Variants in ANK2 observed in about 807,000 individuals in gnomAD.
The protein encoded by ANK2 is ankyrin-2.
ANK2 carries 83 observed loss-of-function variants against 360.5 expected under a neutral mutation model. That is an observed-to-expected ratio of 0.23 (90% CI 0.19 to 0.28). The LOEUF (loss-of-function observed/expected upper bound fraction) is 0.28, where lower values mean the gene tolerates loss of function less well. Ranked by LOEUF, ANK2 falls within the 10% of genes least tolerant of loss-of-function variation. The pLI is 1.00. For synonymous variants in ANK2, 1,740 were observed against 1,759.5 expected (o/e 0.99, Z 0.28); for missense variants, 4,201 against 4,795.7 (o/e 0.88, Z 3.66).
chr4:113,342,466 C>G (rs28621036), intron 33 of ANK2, among the ~76,000 whole-genome samples: 2 of 151,882 alleles, frequency 1.3e-5, no homozygotes, highest in Non-Finnish European at 2.9e-5. Context: ...TTTGGGAGGC[C>G]GAGGTGGGTG....
chr4:112,718,918 T>C, the ANK2 span, among the ~76,000 whole-genome samples: 2 of 69,036 alleles, frequency 2.9e-5, no homozygotes, highest in Non-Finnish European at 6.5e-5. Context: ...ATTACAGGCA[T>C]GAGCCACCGC....
intron 1 of ANK2, among the ~76,000 whole-genome samples, chr4:113,160,962 A>G (rs2097514608): frequency 1.3e-5 from 2 of 152,212 alleles, no homozygotes; most frequent in Admixed American, 6.5e-5. Context: ...CCCACTTAAT[A>G]CAAATTCCTG....
chr4:113,009,597 C>T (rs1329095262), intron 2 of ANK2, among the ~76,000 whole-genome samples: 2 of 152,032 alleles, frequency 1.3e-5, no homozygotes, highest in South Asian at 2.1e-4. Flanking sequence ...CTTTATTTCC[C>T]GATCATGAGC....
chr4:113,314,984 C>T (rs2082004082), intron 24 of ANK2, among the ~76,000 whole-genome samples: 1 of 152,042 alleles, frequency 6.6e-6, no homozygotes, highest in Admixed American at 6.5e-5. Flanking sequence ...CAACTTTTCT[C>T]ACTCTCTGTG....
intron 1 of ANK2, among the ~76,000 whole-genome samples, chr4:112,889,780 T>C (rs914399467): frequency 1.3e-5 from 2 of 152,154 alleles, no homozygotes; most frequent in Admixed American, 1.3e-4. Flanking sequence ...GCTAAATCCA[T>C]AGGGAGTTGC....
At chr4:112,981,414 T>G (rs957135332) in intron 2 of ANK2, among the ~76,000 whole-genome samples, 1 of 152,004 alleles carries the variant, frequency 6.6e-6, no homozygotes, top group African/African-American at 2.4e-5. Flanking sequence ...TTGAGAACAG[T>G]TAGGAGGCTG....
chr4:113,148,832 A>G (rs564494776), intron 1 of ANK2, among the ~76,000 whole-genome samples: 38 of 152,354 alleles, frequency 2.5e-4, no homozygotes, highest in African/African-American at 8.4e-4. Flanking sequence ...ACTGAAATGT[A>G]GTGATCAAAG....
chr4:112,903,175 G>A lies in ANK2; in HGVS notation c.-39-1280G>A, dbSNP rs1176460376. The stretch of plus-strand genomic sequence containing the variant: ...GGGCCCCACTTCCAGTTTCTCATTG[G>A]AAGGTGGAGGGGAGCCCAATAATTT... On this transcript the variant is annotated intron_variant, in intron 1 of 30. Transcript: ENST00000503271. Among the ~76,000 whole-genome samples, 4 of 152,300 alleles carry A rather than the reference G, an allele frequency of 2.6e-5. No homozygotes were observed. The East Asian group carries it at 7.7e-4, about 29-fold the overall frequency.
At chr4:112,985,520 T>C (rs1416434479) in intron 2 of ANK2, among the ~76,000 whole-genome samples, 1 of 152,198 alleles carries the variant, frequency 6.6e-6, no homozygotes, top group Non-Finnish European at 1.5e-5. Context: ...AAGTTTGTAT[T>C]GAGCACAATC....
intron 1 of ANK2, among the ~76,000 whole-genome samples, chr4:112,880,131 A>G (rs970994706): frequency 2.0e-5 from 3 of 152,180 alleles, no homozygotes; most frequent in Non-Finnish European, 2.9e-5. Flanking sequence ...AAAAGTAAAC[A>G]GTATATATTT....
intron 2 of ANK2, among the ~76,000 whole-genome samples, chr4:113,029,668 G>T (rs2059992766): frequency 6.6e-6 from 1 of 152,018 alleles, no homozygotes; most frequent in Admixed American, 6.6e-5. Context: ...GAAGTGAACT[G>T]CTCAGAGTTT....
chr4:113,036,506 T>A (rs2061643738), intron 2 of ANK2, among the ~76,000 whole-genome samples: 1 of 151,810 alleles, frequency 6.6e-6, no homozygotes, highest in African/African-American at 2.4e-5. Flanking sequence ...GTGATTTGGG[T>A]AAGACTACAG....
At position 113,358,940 on chromosome 4, in the gene ANK2, G is replaced by A. The variant is rs772954896; in HGVS notation, c.10322G>A (p.Arg3441Gln). The A allele has an allele frequency of 4.5e-5, 72 of 1,613,730 alleles. No individual in the cohort carries two copies. In the East Asian group the frequency reaches 5.3e-4, roughly 12 times the overall value. ...GATRPKILTS[R>Q]LPVKSRSTTS... ...ACAAGACCAAAGATACTTACATCCCGATTGCCAGTTAAGAGCAGAAGCACT... is the reference window on the plus strand; with the variant it reads ...ACAAGACCAAAGATACTTACATCCCAATTGCCAGTTAAGAGCAGAAGCACT... The change falls in exon 38 of 46, where the codon CGA (arginine) becomes CAA (glutamine). Residue 3441 changes from arginine to glutamine, a missense_variant. This residue lies in a region of ANK2 where 2,642 missense variants were observed against 2,714.5 expected (regional missense o/e 0.97). Coordinates refer to ENST00000357077, the MANE Select transcript of ANK2 (RefSeq NM_001148.6).
chr4:112,750,734 C>CT, the ANK2 span, among the ~76,000 whole-genome samples: 482 of 145,990 alleles, frequency 3.3e-3, 2 homozygotes, highest in African/African-American at 9.3e-3. Context: ...TTCCTTTTTT[C>CT]TTTTTTTTTT....
In ANK2 at chr4:113,353,946, A is replaced by C; in HGVS notation, c.5328A>C (p.Arg1776=). The C allele has an allele frequency of 6.2e-7, 1 of 1,614,092 alleles. No homozygotes were observed. Among genetic ancestry groups the C allele is most frequent in the Non-Finnish European group, 8.5e-7 (1 of 1,179,960 alleles). Residue 1776 remains arginine (R), a synonymous_variant, in exon 38 of 46, where the codon CGA becomes CGC. Coordinates refer to ENST00000357077, the MANE Select transcript of ANK2 (RefSeq NM_001148.6). ...ACAAAGTAAAGGCCCTTCAGAAGCG[A>C]GTGGAAGATGAACAGAAAGGTCGAA... The part of the protein sequence containing the change: ...IKDKVKALQK[R]VEDEQKGRSK...
intron 2 of ANK2, among the ~76,000 whole-genome samples, chr4:113,187,848 A>C (rs1403169283): frequency 6.6e-6 from 1 of 152,220 alleles, no homozygotes; most frequent in Non-Finnish European, 1.5e-5. Context: ...TGGGCCAGCC[A>C]CTTAAATCAT....
intron 10 of ANK2, among the ~76,000 whole-genome samples, chr4:113,250,679 T>A (rs1250392623): frequency 6.6e-6 from 1 of 150,808 alleles, no homozygotes; most frequent in African/African-American, 2.4e-5. Context: ...CAACCTTGGA[T>A]CCTTAAATAC....
intron 20 of ANK2, among the ~76,000 whole-genome samples, chr4:113,291,154 GT>G (rs1563473770): frequency 1.3e-5 from 2 of 152,196 alleles, no homozygotes; most frequent in Admixed American, 6.5e-5. Flanking sequence ...TGTGTGATTA[GT>G]AAATGCTTGT....
chr4:113,328,506 A>G (rs188873079), intron 26 of ANK2, among the ~76,000 whole-genome samples: 1 of 152,242 alleles, frequency 6.6e-6, no homozygotes, highest in Non-Finnish European at 1.5e-5. Flanking sequence ...AATAAAAAAA[A>G]TTTTAAAGAA....
Sources: gnomAD v4.1 joint callset for allele counts (sites outside exome capture counted in the v4.1 genomes callset) on GRCh38, gnomAD v4.1.1 for gene constraint, gnomAD v4.1.1 regional missense constraint, MANE v1.5 for transcripts, NCBI Gene and HGNC (gene_info 2026-07-23, HGNC 2026-07-21) for gene names.